Variants in SLC43A3 observed in about 807,000 individuals in gnomAD.
The protein encoded by SLC43A3 is equilibrative nucleobase transporter 1.
Under a neutral mutation model 53.3 loss-of-function variants are expected in SLC43A3, and 33 were observed. The observed-to-expected ratio is 0.62, with a 90% CI of 0.47 to 0.83. The LOEUF (loss-of-function observed/expected upper bound fraction) is 0.83, where lower values mean the gene tolerates loss of function less well. Ranked by LOEUF, SLC43A3 falls within the 40% of genes least tolerant of loss-of-function variation. SLC43A3 has a pLI of 0.00. For synonymous variants in SLC43A3, 236 were observed against 246.2 expected (o/e 0.96, Z 0.39); for missense variants, 530 against 610.0 (o/e 0.87, Z 1.38).
chr11:57,424,720 A>T lies in SLC43A3; in HGVS notation c.315-692T>A, dbSNP rs533219012. Among the ~76,000 whole-genome samples the T allele has an allele frequency of 2.0e-5, 3 of 152,310 alleles. No individual in the cohort carries two copies. The East Asian group carries it at 5.8e-4, about 29-fold the overall frequency. On this transcript the variant is annotated intron_variant, in intron 4 of 13. Transcript: ENST00000395124. ...CAAGGACCAAGAAGGACTGAGGTAC[A>T]GTCATTCTGCATCCAAAGGCTTAAA...
intron 5 of SLC43A3, 132 bp from the exon 6 acceptor site, chr11:57,421,505 G>A: frequency 1.5e-6 from 1 of 666,864 alleles, no homozygotes. Flanking sequence ...CAGCGTTCCA[G>A]CGTCCTTCAA....
At position 57,423,463 on chromosome 11, in the gene SLC43A3, T is replaced by G. The variant is rs184225698; in HGVS notation, c.361+519A>C. On this transcript the variant is annotated intron_variant, in intron 5 of 13. Transcript: ENST00000395124. ...GTTTGTTTTTTGGTAGAGTCTCACT[T>G]TGTCACCCAGGCTGGAGTGCAATGG... is the stretch of plus-strand genomic sequence containing the variant. Among the ~76,000 whole-genome samples the G allele has an allele frequency of 2.2e-4, 34 of 152,284 alleles. No individual in the cohort carries two copies. The East Asian group carries it at 5.4e-3, about 24-fold the overall frequency.
chr11:57,426,470 T>C (rs1943201981), intron 2 of SLC43A3, 118 bp from the exon 3 acceptor site: 1 of 414,902 alleles, frequency 2.4e-6, no homozygotes, highest in Admixed American at 3.6e-5. Flanking sequence ...TGGCAGCAAA[T>C]GTGGGGAATA....
intron 11 of SLC43A3, among the ~76,000 whole-genome samples, chr11:57,413,061 C>CAAAAAAAAAAAAAAAAA (rs1190635755): frequency 1.3e-5 from 1 of 76,276 alleles, no homozygotes; most frequent in South Asian, 3.9e-4. Context: ...TTATTCACGG[C>CAAAAAAAAAAAAAAAAA]AAAAAAAAAA....
intron 11 of SLC43A3, 34 bp from the exon 12 acceptor site, chr11:57,410,155 T>C (rs1219029444): frequency 6.6e-7 from 1 of 1,523,398 alleles, no homozygotes; most frequent in Non-Finnish European, 8.8e-7. Flanking sequence ...AAGCTCTCTG[T>C]AGGCCAACCC....
chr11:57,409,537 AC>A (rs1299652645), intron 12 of SLC43A3, among the ~76,000 whole-genome samples: 1 of 152,218 alleles, frequency 6.6e-6, no homozygotes, highest in African/African-American at 2.4e-5. Flanking sequence ...TGCAGGCTGC[AC>A]CAGGAAAGAA....
At chr11:57,423,950 T>C in intron 5 of SLC43A3, 32 bp downstream of exon 5, 1 of 1,611,606 alleles carries the variant, frequency 6.2e-7, no homozygotes, top group Non-Finnish European at 8.5e-7. Flanking sequence ...CCTCTGAGCT[T>C]GCATCCCTCC....
rs751283350 is a variant in SLC43A3 at position 57,426,165 on chromosome 11, C to A, written c.8G>T (p.Gly3Val). 9 of 1,613,906 alleles carry A rather than the reference C, an allele frequency of 5.6e-6. No individual in the cohort carries two copies. The highest frequency in any genetic ancestry group is 7.6e-6 in the Non-Finnish European group (9 of 1,179,964). MAGQGLPLHVATL... is the reference protein window; with the variant it reads MAVQGLPLHVATL... ...GGCCACGTGCAGGGGCAGGCCCTGG[C>A]CCGCCATGAGCAGAAGTGGAGTGGA... Residue 3 changes from glycine (G) to valine (V), a missense_variant, in exon 3 of 14, where the codon GGC (glycine) becomes GTC (valine). Physicochemically the swap from Gly to Val is moderately radical, Grantham distance 109 (BLOSUM62 -3). Transcript: ENST00000395124.
Position 57,420,958 on chromosome 11 carries a change from G to C in SLC43A3, c.531+14C>G, listed in dbSNP as rs1038235842. Reference sequence around the variant, plus strand: ...TACAAGTGCCCAGTGAATGTAGGCTGTTGCTATATTTACCTTAATAATAAG... The same window carrying C: ...TACAAGTGCCCAGTGAATGTAGGCTCTTGCTATATTTACCTTAATAATAAG... On this transcript the variant is annotated intron_variant, in intron 7 of 13. Coordinates refer to ENST00000395124, the MANE Select transcript of SLC43A3 (RefSeq NM_199329.3). 2 of 1,534,856 alleles carry C rather than the reference G, an allele frequency of 1.3e-6. No homozygotes were observed. The highest frequency in any genetic ancestry group is 1.8e-6 in the Non-Finnish European group (2 of 1,107,742).
At chr11:57,424,192 C>T (rs560861628) in intron 4 of SLC43A3, 164 bp from the exon 5 acceptor site, 17 of 670,726 alleles carry the variant, frequency 2.5e-5, no homozygotes, top group Middle Eastern at 2.4e-4. Context: ...CAAAACCAGG[C>T]GCAAGAAGCC....
chr11:57,419,755 C>A (rs1942899955), intron 7 of SLC43A3, among the ~76,000 whole-genome samples: 1 of 149,518 alleles, frequency 6.7e-6, no homozygotes, highest in Non-Finnish European at 1.5e-5. Flanking sequence ...AAGATCCCAC[C>A]AATGCACTCC....
chr11:57,416,251 G>A (rs77397893), intron 9 of SLC43A3, among the ~76,000 whole-genome samples: 3,130 of 152,274 alleles, frequency 0.021, 35 homozygotes, highest in Non-Finnish European at 0.033. Flanking sequence ...AGAAATGGGG[G>A]CACTGTACCA....
In SLC43A3 at chr11:57,421,389, C is replaced by A; in HGVS notation, c.362-16G>T. On this transcript the variant is annotated splice_polypyrimidine_tract_variant and intron_variant, in intron 5 of 13. Coordinates refer to ENST00000395124, the MANE Select transcript of SLC43A3 (RefSeq NM_199329.3). ...ACGGCTGAGCCTGGACCATCAAAGT[C>A]AGAGGTAGGGTGGTGTCATAGTGCA... The A allele has an allele frequency of 6.2e-7, 1 of 1,609,804 alleles. No homozygotes were observed. The highest frequency in any genetic ancestry group is 1.1e-5 in the South Asian group (1 of 90,464).
chr11:57,424,007 T>A lies in SLC43A3; in HGVS notation c.336A>T (p.Thr112=), dbSNP rs1047120079. The A allele has an allele frequency of 5.0e-6, 8 of 1,613,984 alleles. No homozygotes were observed. Among genetic ancestry groups the A allele is most frequent in the Middle Eastern group, 1.6e-4 (1 of 6,084 alleles). ...CTGCAGAGGTGAAGGCTATGATGAG[T>A]GTGGCGGTGGTGTAGAAAAATCTGA... The part of the protein sequence containing the change: ...LIAIFFYTTA[T]LIIAFTSAGS... The change falls in exon 5 of 14, where the codon ACA becomes ACT. Residue 112 remains threonine, a synonymous_variant. Transcript: ENST00000395124.
At position 57,407,562 on chromosome 11, in the gene SLC43A3, TAAAG is replaced by T. The variant is rs1942261432; in HGVS notation, c.*226_*229del. 1 of 487,792 alleles carries T rather than the reference TAAAG, an allele frequency of 2.1e-6. No homozygotes were observed. The highest frequency in any genetic ancestry group is 2.5e-5 in the South Asian group (1 of 39,546). The allele number at this position is 487,792 out of a possible 1,614,324, so 30.2% of individuals were successfully genotyped here. A position where few individuals can be genotyped will look rare whatever the true frequency, so the allele number is the denominator to read the frequency against. ...GCAAGGAGACACTTCTGTTTTGAAA[TAAAG>T]AAGTTCCACATGCCTTTGCTTTGAG... On this transcript the variant is annotated 3_prime_UTR_variant, in exon 14 of 14. Transcript: ENST00000395124.
chr11:57,420,430 G>A (rs1249998725), intron 7 of SLC43A3, among the ~76,000 whole-genome samples: 1 of 152,266 alleles, frequency 6.6e-6, no homozygotes, highest in East Asian at 1.9e-4. Context: ...TGGGCTAAGC[G>A]GGTCACTGCC....
chr11:57,414,498 C>G, intron 11 of SLC43A3, 117 bp downstream of exon 11: 1 of 595,660 alleles, frequency 1.7e-6, no homozygotes, highest in South Asian at 1.9e-5. Flanking sequence ...CAGAGTAAGA[C>G]TCTATCACAA....
chr11:57,424,673 G>A (rs543348231), intron 4 of SLC43A3, among the ~76,000 whole-genome samples: 2 of 152,242 alleles, frequency 1.3e-5, no homozygotes, highest in East Asian at 3.9e-4. Flanking sequence ...GGAAGGGGAG[G>A]AAAGGGGAGG....
chr11:57,414,548 T>G, intron 11 of SLC43A3, 67 bp downstream of exon 11: 1 of 656,086 alleles, frequency 1.5e-6, no homozygotes, highest in Non-Finnish European at 2.8e-6. Context: ...AGAGAAGATG[T>G]CATGGGGTAA....
Sources: allele counts gnomAD v4.1 joint callset (sites outside exome capture counted in the v4.1 genomes callset), GRCh38; gene constraint gnomAD v4.1.1; transcripts MANE v1.5; gene names NCBI Gene and HGNC (gene_info 2026-07-23, HGNC 2026-07-21).